Variants in USP48 observed in about 807,000 individuals in gnomAD.
The protein encoded by USP48 is ubiquitin specific peptidase 48.
Under a neutral mutation model 150.7 loss-of-function variants are expected in USP48, and 43 were observed. The observed-to-expected ratio is 0.29, with a 90% CI of 0.22 to 0.37. The LOEUF (loss-of-function observed/expected upper bound fraction) is 0.37. Among genes scored for constraint, USP48 ranks in the 10% least tolerant of loss-of-function variants. The probability of loss-of-function intolerance (pLI) is 1.00; values close to 1 mark genes in which losing one functional copy is unlikely to be tolerated. For missense variants in USP48, 813 were observed against 1,249.6 expected (o/e 0.65, Z 5.27); for synonymous variants, 396 against 425.9 (o/e 0.93, Z 0.86).
chr1:21,780,965 C>T (rs1379765361), intron 1 of USP48, among the ~76,000 whole-genome samples: 2 of 150,948 alleles, frequency 1.3e-5, no homozygotes, highest in Admixed American at 1.3e-4. Flanking sequence ...TGGTCTCGAA[C>T]TCCTGACCTC....
chr1:21,711,462 C>T (rs962370890), intron 15 of USP48, among the ~76,000 whole-genome samples: 2 of 152,146 alleles, frequency 1.3e-5, no homozygotes, highest in Admixed American at 6.5e-5. Flanking sequence ...GAACAGGGGA[C>T]ACAAAACACA....
intron 24 of USP48, among the ~76,000 whole-genome samples, chr1:21,689,095 G>C (rs2097588805): frequency 6.6e-6 from 1 of 151,858 alleles, no homozygotes; most frequent in South Asian, 2.1e-4. Context: ...AAAAGTTACA[G>C]AGGAGGCTGA....
intron 12 of USP48, among the ~76,000 whole-genome samples, chr1:21,723,579 T>G (rs2097728060): frequency 6.6e-6 from 1 of 150,960 alleles, no homozygotes; most frequent in Non-Finnish European, 1.5e-5. Flanking sequence ...AGACAAGGGC[T>G]CAAGTACCTT....
intron 1 of USP48, among the ~76,000 whole-genome samples, chr1:21,767,482 G>A (rs1453249162): frequency 6.6e-6 from 1 of 151,936 alleles, no homozygotes; most frequent in Non-Finnish European, 1.5e-5. Context: ...GCGTCACCAT[G>A]CCCGGCTAAT....
At chr1:21,736,862 G>C (rs559806507) in intron 8 of USP48, among the ~76,000 whole-genome samples, 2 of 152,050 alleles carry the variant, frequency 1.3e-5, no homozygotes, top group South Asian at 2.1e-4. Context: ...CAAAATACAC[G>C]GATGAAAAAC....
intron 23 of USP48, among the ~76,000 whole-genome samples, chr1:21,692,673 GA>G (rs1188467853): frequency 1.3e-5 from 2 of 152,138 alleles, no homozygotes; most frequent in Non-Finnish European, 2.9e-5. Context: ...ATATAAAAGT[GA>G]ATAATCCCGC....
At chr1:21,709,597 A>G (rs199561407) in intron 15 of USP48, among the ~76,000 whole-genome samples, 100 of 152,080 alleles carry the variant, frequency 6.6e-4, no homozygotes, top group East Asian at 4.2e-3. Flanking sequence ...AAAAAAAAAA[A>G]AGAGAGCTTC....
intron 2 of USP48, chr1:21,757,107 G>A (rs941429045): frequency 2.2e-5 from 15 of 696,726 alleles, no homozygotes; most frequent in Non-Finnish European, 2.5e-5. Context: ...ATATTCTAGA[G>A]ATTTTAAAGA....
chr1:21,703,763 G>A (rs754083710), intron 20 of USP48, 145 bp from the exon 21 acceptor site: 8 of 681,490 alleles, frequency 1.2e-5, no homozygotes, highest in Non-Finnish European at 2.0e-5. Context: ...ACAAGGTTTT[G>A]CTGTGTCACC....
At chr1:21,750,796 C>T (rs1018501569) in intron 6 of USP48, among the ~76,000 whole-genome samples, 3 of 151,780 alleles carry the variant, frequency 2.0e-5, no homozygotes, top group South Asian at 2.1e-4. Context: ...GCAGGAGAAT[C>T]GCTTGAATCC....
intron 15 of USP48, among the ~76,000 whole-genome samples, chr1:21,714,717 GAAGT>G (rs2097699693): frequency 1.3e-5 from 2 of 152,322 alleles, no homozygotes; most frequent in South Asian, 4.1e-4. Context: ...CTACTTGTTA[GAAGT>G]AAGCATTCAC....
At chr1:21,717,377 C>A (rs1015016979) in intron 14 of USP48, among the ~76,000 whole-genome samples, 13 of 151,828 alleles carry the variant, frequency 8.6e-5, no homozygotes, top group African/African-American at 3.1e-4. Flanking sequence ...GCTCTCCAGC[C>A]AGGGTGAAAG....
chr1:21,688,117 A>G (rs2097584585), intron 24 of USP48, among the ~76,000 whole-genome samples: 1 of 152,194 alleles, frequency 6.6e-6, no homozygotes, highest in African/African-American at 2.4e-5. Flanking sequence ...TCGGCACAGT[A>G]GGGATTCTTT....
intron 7 of USP48, 39 bp downstream of exon 7, chr1:21,748,099 C>T: frequency 6.3e-7 from 1 of 1,594,332 alleles, no homozygotes; most frequent in Non-Finnish European, 8.6e-7. Context: ...CATAGTAGAC[C>T]ACAATGAACA....
At chr1:21,778,537 C>A (rs940015395) in intron 1 of USP48, among the ~76,000 whole-genome samples, 10 of 134,248 alleles carry the variant, frequency 7.4e-5, no homozygotes, top group Non-Finnish European at 1.5e-4. Context: ...GAAGCTGGGG[C>A]AGGAGTATTG....
chr1:21,701,165 G>C (rs1409882429), intron 22 of USP48, among the ~76,000 whole-genome samples: 3 of 150,686 alleles, frequency 2.0e-5, no homozygotes, highest in Admixed American at 6.6e-5. Flanking sequence ...AGGAGTTCGA[G>C]ACCAGCCTGG....
chr1:21,757,803 C>G lies in USP48; in HGVS notation c.135-20G>C. The G allele has an allele frequency of 1.3e-6, 2 of 1,570,080 alleles. No individual in the cohort carries two copies. The highest frequency in any genetic ancestry group is 1.7e-6 in the Non-Finnish European group (2 of 1,165,638). Reference sequence around the variant, plus strand: ...TTTCGTCTAAGGGGAAAAAAAAAACCTTTAATTTTTAAAAGACCATAGTTT... The same window carrying G: ...TTTCGTCTAAGGGGAAAAAAAAAACGTTTAATTTTTAAAAGACCATAGTTT... On this transcript the variant is annotated intron_variant, in intron 1 of 26. Coordinates refer to ENST00000308271, the MANE Select transcript of USP48 (RefSeq NM_032236.8).
intron 17 of USP48, 134 bp downstream of exon 17, chr1:21,706,333 T>C (rs763637265): frequency 6.6e-7 from 1 of 1,509,236 alleles, no homozygotes; most frequent in Non-Finnish European, 9.0e-7. Flanking sequence ...CAGGCTGGAG[T>C]AAATCCCCTG....
intron 3 of USP48, among the ~76,000 whole-genome samples, chr1:21,755,683 G>A (rs2097831092): frequency 6.6e-6 from 1 of 151,992 alleles, no homozygotes; most frequent in South Asian, 2.1e-4. Context: ...TATACCATCT[G>A]TAAAATAAAG....
Sources: gnomAD v4.1 joint callset for allele counts (sites outside exome capture counted in the v4.1 genomes callset) on GRCh38, gnomAD v4.1.1 for gene constraint, MANE v1.5 for transcripts, NCBI Gene and HGNC (gene_info 2026-07-23, HGNC 2026-07-21) for gene names.